Variants in CNTN3 observed in about 807,000 individuals in gnomAD.
The protein encoded by CNTN3 is contactin 3, also known as contactin-3.
Under a neutral mutation model 119.1 loss-of-function variants are expected in CNTN3, and 60 were observed. The observed-to-expected ratio is 0.50, with a 90% confidence interval of 0.41 to 0.62. The LOEUF is 0.62. Ranked by LOEUF, CNTN3 falls within the 20% of genes least tolerant of loss-of-function variation. CNTN3 has a pLI of 0.00. For synonymous variants in CNTN3, 450 were observed against 438.7 expected (o/e 1.03, Z -0.32); for missense variants, 1,101 against 1,242.4 (o/e 0.89, Z 1.71).
At chr3:74,395,822 C>A (rs1156707926) in intron 5 of CNTN3, among the ~76,000 whole-genome samples, 1 of 151,868 alleles carries the variant, frequency 6.6e-6, no homozygotes, top group African/African-American at 2.4e-5. Context: ...TCCATTGGCA[C>A]CATTTTCCCT....
intron 1 of CNTN3, among the ~76,000 whole-genome samples, chr3:74,609,295 C>T (rs1705042355): frequency 6.6e-6 from 1 of 152,188 alleles, no homozygotes; most frequent in Non-Finnish European, 1.5e-5. Context: ...ATTAATACAG[C>T]ACTGCGTGTC....
At chr3:74,390,369 CTTTTTTT>C (rs34399433) in intron 5 of CNTN3, among the ~76,000 whole-genome samples, 3 of 123,252 alleles carry the variant, frequency 2.4e-5, no homozygotes, top group South Asian at 2.6e-4. Flanking sequence ...TGAGAGTATG[CTTTTTTT>C]TTTTTTTTTT....
chr3:74,505,005 C>G (rs1214342537), intron 2 of CNTN3, among the ~76,000 whole-genome samples: 1 of 152,036 alleles, frequency 6.6e-6, no homozygotes, highest in Non-Finnish European at 1.5e-5. Context: ...AGGATCTGTT[C>G]CAGACCTCTC....
Position 74,577,582 on chromosome 3 carries a change from T to A in CNTN3, c.-81+36809A>T, listed in dbSNP as rs568962744. Among the ~76,000 whole-genome samples, 3 of 152,292 alleles carry A rather than the reference T, an allele frequency of 2.0e-5. No individual in the cohort carries two copies. The East Asian group carries it at 5.8e-4, about 29-fold the overall frequency. On this transcript the variant is annotated intron_variant, in intron 1 of 22. Transcript: ENST00000263665. ...ATTATTCATGATCACTCCTTCTCGG[T>A]AACATCCATATGTTCTCATTCACCC...
chr3:74,264,378 TA>T lies in CNTN3; in HGVS notation c.*22del. 7.5e-7 allele frequency: 1 copy of T among 1,326,882 alleles called. No individual in the cohort carries two copies. The highest frequency in any genetic ancestry group is 1.0e-6 in the Non-Finnish European group (1 of 990,036). The allele number at this position is 1,326,882 out of a possible 1,614,324, so 82.2% of individuals were successfully genotyped here. A position where few individuals can be genotyped will look rare whatever the true frequency, so the allele number is the denominator to read the frequency against. On this transcript the variant is annotated 3_prime_UTR_variant, in exon 23 of 23. Transcript: ENST00000263665. ...TTTTGGTAACCAAATAACTTTCCAA[TA>T]AATAATAAAAAGGAGTTAATATCAC...
rs1382994613 is a variant in CNTN3 at position 74,452,189 on chromosome 3, A to T, written c.359-27249T>A. 3.0e-3 allele frequency among the ~76,000 whole-genome samples: 428 copies of T among 141,184 alleles called. 1 individual carries two copies. The highest frequency in any genetic ancestry group is 0.011 in the African/African-American group (411 of 36,948). 92.6% of individuals were successfully genotyped at this position (141,184 alleles called of 152,430 possible). A position where few individuals can be genotyped will look rare whatever the true frequency, so the allele number is the denominator to read the frequency against. On this transcript the variant is annotated intron_variant, in intron 4 of 22. Coordinates refer to ENST00000263665, the MANE Select transcript of CNTN3 (RefSeq NM_020872.3). ...ATTTGTTTGTATCCTCTTTTATTTC[A>T]TTGAGCAGTGGTTTGTAGTTCTCCT...
At chr3:74,319,815 T>C (rs1455410575) in intron 13 of CNTN3, among the ~76,000 whole-genome samples, 1 of 126,568 alleles carries the variant, frequency 7.9e-6, no homozygotes, top group Non-Finnish European at 1.7e-5. Context: ...CAAACAAATT[T>C]ACAAAAAAAA....
rs1701626556 is a variant in CNTN3 at position 74,264,260 on chromosome 3, A to C, written c.*141T>G. The C allele has an allele frequency of 6.8e-6, 3 of 440,866 alleles. No homozygotes were observed. In the South Asian group the frequency reaches 2.2e-4, roughly 33 times the overall value. 27.3% of individuals were successfully genotyped at this position (440,866 alleles called of 1,614,324 possible). A position where few individuals can be genotyped will look rare whatever the true frequency, so the allele number is the denominator to read the frequency against. On this transcript the variant is annotated 3_prime_UTR_variant, in exon 23 of 23. Transcript: ENST00000263665. ...CCCTAAAAGGATTTACTGTTTTTTT[A>C]ATTATATTCATATTTACCTATAATG...
At chr3:74,286,534 A>G (rs1486851383) in intron 19 of CNTN3, among the ~76,000 whole-genome samples, 2 of 152,170 alleles carry the variant, frequency 1.3e-5, no homozygotes, top group East Asian at 3.9e-4. Flanking sequence ...CCCAGAACAG[A>G]GCCTGTATAG....
At chr3:74,369,515 TA>T (rs930057573) in intron 7 of CNTN3, 142 bp from the exon 8 acceptor site, 11 of 543,286 alleles carry the variant, frequency 2.0e-5, no homozygotes, top group African/African-American at 1.8e-4. Context: ...ATAAACCTGA[TA>T]AAAAAGATTT....
intron 1 of CNTN3, among the ~76,000 whole-genome samples, chr3:74,526,165 G>A (rs1051706761): frequency 2.0e-5 from 3 of 151,386 alleles, no homozygotes; most frequent in Admixed American, 6.6e-5. Flanking sequence ...CTCCAATTTC[G>A]ATACTTCAGA....
At position 74,422,520 on chromosome 3, in the gene CNTN3, T is replaced by C. The variant is rs563848137; in HGVS notation, c.454+2325A>G. The stretch of plus-strand genomic sequence containing the variant: ...ATGGGCTAACAGTTCTCCAATTTTA[T>C]AACATTTGAATAGATTCATCTTTTG... On this transcript the variant is annotated intron_variant, in intron 5 of 22. Transcript: ENST00000263665. Among the ~76,000 whole-genome samples the C allele has an allele frequency of 5.3e-5, 8 of 152,332 alleles. No homozygotes were observed. The East Asian group carries it at 1.5e-3, about 29-fold the overall frequency.
At chr3:74,553,813 A>G (rs1466274191) in intron 1 of CNTN3, among the ~76,000 whole-genome samples, 1 of 152,108 alleles carries the variant, frequency 6.6e-6, no homozygotes, top group Non-Finnish European at 1.5e-5. Context: ...GATTACGGAT[A>G]TTAGCCCTCC....
chr3:74,325,106 ACTTTGT>A (rs1703096724), intron 13 of CNTN3, among the ~76,000 whole-genome samples: 3 of 149,640 alleles, frequency 2.0e-5, no homozygotes, highest in Non-Finnish European at 4.4e-5. Context: ...AAATTTCATT[ACTTTGT>A]CTTTGGCAAA....
chr3:74,507,626 CTTTTTTT>C (rs59540461), intron 2 of CNTN3, among the ~76,000 whole-genome samples: 24,347 of 103,734 alleles, frequency 0.23, 2,498 homozygotes, highest in East Asian at 0.44. Context: ...TTCTTTCTTT[CTTTTTTT>C]TTTTTTTTTT....
At chr3:74,277,500 G>T (rs991882014) in intron 20 of CNTN3, among the ~76,000 whole-genome samples, 1 of 151,980 alleles carries the variant, frequency 6.6e-6, no homozygotes, top group Non-Finnish European at 1.5e-5. Flanking sequence ...CACATAAACA[G>T]AATTAAAAAC....
In CNTN3 at chr3:74,298,758, G is replaced by A. The variant is rs184237476; in HGVS notation, c.2167-567C>T. ...CTAAAAATACAAAAATTAGCCGGGC[G>A]TGGTGGCATGCGCCTGTAGTCCCAG... On this transcript the variant is annotated intron_variant, in intron 17 of 22. Coordinates refer to ENST00000263665, the MANE Select transcript of CNTN3 (RefSeq NM_020872.3). 3.2e-4 allele frequency among the ~76,000 whole-genome samples: 49 copies of A among 151,742 alleles called. No individual in the cohort carries two copies. The East Asian group carries it at 7.6e-3, about 24-fold the overall frequency.
chr3:74,475,651 T>C (rs1375792801), intron 4 of CNTN3, among the ~76,000 whole-genome samples: 1 of 152,188 alleles, frequency 6.6e-6, no homozygotes, highest in African/African-American at 2.4e-5. Flanking sequence ...AAAAATTCGA[T>C]CTGCTGGGCC....
intron 5 of CNTN3, among the ~76,000 whole-genome samples, chr3:74,418,556 GTCT>G (rs1701564958): frequency 6.6e-6 from 1 of 151,450 alleles, no homozygotes; most frequent in Non-Finnish European, 1.5e-5. Context: ...GGCCAGGCTG[GTCT>G]CCATCTCCCA....
Sources: allele counts gnomAD v4.1 joint callset (sites outside exome capture counted in the v4.1 genomes callset), GRCh38; gene constraint gnomAD v4.1.1; transcripts MANE v1.5; gene names NCBI Gene and HGNC (gene_info 2026-07-23, HGNC 2026-07-21).